EIF3H: variants seen among roughly 807,000 people sequenced by gnomAD.
EIF3H encodes the protein eIF-3-gamma.
In EIF3H, 26 loss-of-function variants were observed where a neutral mutation model predicts 44.2. The ratio of observed to expected loss-of-function variants is 0.59; its 90% confidence interval spans 0.43 to 0.82. EIF3H has a LOEUF of 0.82. Among genes scored for constraint, EIF3H ranks in the 40% least tolerant of loss-of-function variants. The pLI is 0.00. For missense variants in EIF3H, 359 were observed against 432.8 expected, an observed-to-expected ratio of 0.83 and a Z score of 1.51; for synonymous variants, 166 against 151.9, an observed-to-expected ratio of 1.09 and a Z score of -0.68.
At chr8:116,752,827 AGGAAAG>A (rs1815381550) in intron 1 of EIF3H, among the ~76,000 whole-genome samples, 1 of 141,714 alleles carries the variant, frequency 7.1e-6, no homozygotes, top group South Asian at 2.3e-4. Flanking sequence ...GAAGGAAGGA[AGGAAAG>A]AGAGAGAGAA....
intron 2 of EIF3H, among the ~76,000 whole-genome samples, chr8:116,706,295 T>C (rs960675640): frequency 1.3e-5 from 2 of 152,174 alleles, no homozygotes; most frequent in Non-Finnish European, 2.9e-5. Flanking sequence ...TCAGACAGAT[T>C]AACCTTCTGA....
At chr8:116,675,132 A>G (rs566493954) in intron 2 of EIF3H, among the ~76,000 whole-genome samples, 3 of 151,850 alleles carry the variant, frequency 2.0e-5, no homozygotes, top group South Asian at 2.1e-4. Flanking sequence ...TTTAAATCAC[A>G]TATGTCCTGA....
chr8:116,723,909 T>C lies in EIF3H; in HGVS notation c.289+2107A>G, dbSNP rs531604518. On this transcript the variant is annotated intron_variant, in intron 2 of 7. Coordinates refer to ENST00000521861, the MANE Select transcript of EIF3H (RefSeq NM_003756.3). ...TTGTCAATACTACTCAAAGACAGAT[T>C]CAATGCAATACCTATCAAAATCACA... 4.6e-4 allele frequency among the ~76,000 whole-genome samples: 70 copies of C among 152,294 alleles called. 1 individual carries two copies. The South Asian group carries it at 0.014, about 30-fold the overall frequency.
chr8:116,661,205 T>TC, intron 2 of EIF3H, among the ~76,000 whole-genome samples: 1 of 152,204 alleles, frequency 6.6e-6, no homozygotes, highest in Non-Finnish European at 1.5e-5. Context: ...GAGTGAAAAG[T>TC]CCCAGTATTA....
At chr8:116,716,662 T>C (rs940353372) in intron 2 of EIF3H, among the ~76,000 whole-genome samples, 2 of 152,064 alleles carry the variant, frequency 1.3e-5, no homozygotes, top group South Asian at 4.1e-4. Context: ...ACAGTAAATA[T>C]TTCAGGCTTA....
intron 1 of EIF3H, among the ~76,000 whole-genome samples, chr8:116,750,983 C>G (rs373329243): frequency 6.6e-6 from 1 of 151,234 alleles, no homozygotes; most frequent in African/African-American, 2.4e-5. Flanking sequence ...GAGGCCGAGG[C>G]GGGCGGATCA....
chr8:116,711,982 T>C lies in EIF3H; in HGVS notation c.289+14034A>G, dbSNP rs1169442241. On this transcript the variant is annotated intron_variant, in intron 2 of 7. Coordinates refer to ENST00000521861, the MANE Select transcript of EIF3H (RefSeq NM_003756.3). ...ACACAGTTTCCACTCAAATATTGGT[T>C]TGATGAATAAACAACAAAAGAAGAA... Among the ~76,000 whole-genome samples the C allele has an allele frequency of 1.0e-4, 15 of 143,488 alleles. No individual in the cohort carries two copies. The Admixed American group carries it at 1.1e-3, about 10-fold the overall frequency. The allele number at this position is 143,488 out of a possible 152,430, so 94.1% of individuals were successfully genotyped here. A position where few individuals can be genotyped will look rare whatever the true frequency, so the allele number is the denominator to read the frequency against.
intron 1 of EIF3H, among the ~76,000 whole-genome samples, chr8:116,738,475 C>T (rs983770005): frequency 5.9e-5 from 9 of 152,164 alleles, no homozygotes; most frequent in Non-Finnish European, 1.0e-4. Flanking sequence ...ATACAAATTG[C>T]CAGAAAATAT....
chr8:116,724,980 C>G (rs932399675), intron 2 of EIF3H, among the ~76,000 whole-genome samples: 5 of 152,090 alleles, frequency 3.3e-5, no homozygotes, highest in Non-Finnish European at 7.4e-5. Context: ...ATTTGCACAC[C>G]CATGTTCACT....
chr8:116,654,224 A>G (rs7820778), intron 5 of EIF3H, among the ~76,000 whole-genome samples: 129,360 of 151,972 alleles, frequency 0.85, 55,239 homozygotes, highest in Non-Finnish European at 0.89. Flanking sequence ...CTTTTTCCTC[A>G]TTTACGTAAA....
chr8:116,762,387 T>C (rs1815526465), intron 1 of EIF3H, among the ~76,000 whole-genome samples: 2 of 152,250 alleles, frequency 1.3e-5, no homozygotes, highest in African/African-American at 4.8e-5. Flanking sequence ...GCTCCTCTTA[T>C]CTGCTTTGCC....
Position 116,644,958 on chromosome 8 carries a change from G to A in EIF3H, c.*48C>T, listed in dbSNP as rs767331781. 4.2e-6 allele frequency: 6 copies of A among 1,434,120 alleles called. No homozygotes were observed. Among genetic ancestry groups the A allele is most frequent in the South Asian group, 1.2e-5 (1 of 85,630 alleles). The allele number at this position is 1,434,120 out of a possible 1,614,324, so 88.8% of individuals were successfully genotyped here. On this transcript the variant is annotated 3_prime_UTR_variant, in exon 8 of 8. Transcript: ENST00000521861. ...TATTTCTTCCAAGAGTTGCCCTGGT[G>A]TGACTTCAAGAGTTCATGTTAACTT...
At chr8:116,680,799 C>G (rs560718408) in intron 2 of EIF3H, among the ~76,000 whole-genome samples, 1 of 141,452 alleles carries the variant, frequency 7.1e-6, no homozygotes. Flanking sequence ...TCCCCCTCTG[C>G]GAGAAACACC....
At chr8:116,678,322 T>C (rs1303715192) in intron 2 of EIF3H, among the ~76,000 whole-genome samples, 2 of 151,710 alleles carry the variant, frequency 1.3e-5, no homozygotes, top group Admixed American at 6.6e-5. Context: ...TGGAGTGCAG[T>C]GGCGTGATCT....
intron 2 of EIF3H, among the ~76,000 whole-genome samples, chr8:116,666,753 C>CGAAAAA (rs71567913): frequency 1.4e-5 from 1 of 71,432 alleles, no homozygotes; most frequent in Non-Finnish European, 2.3e-5. Flanking sequence ...TAGTGTTAGG[C>CGAAAAA]AAAAAAAAAA....
intron 1 of EIF3H, among the ~76,000 whole-genome samples, chr8:116,730,620 A>G (rs954642329): frequency 2.0e-5 from 3 of 152,206 alleles, no homozygotes; most frequent in African/African-American, 7.2e-5. Flanking sequence ...CCATGTATAT[A>G]TATTTCAAAG....
chr8:116,654,950 C>G (rs952172236), intron 5 of EIF3H, among the ~76,000 whole-genome samples: 2 of 151,336 alleles, frequency 1.3e-5, no homozygotes, highest in Non-Finnish European at 1.5e-5. Context: ...AACTAGAAAT[C>G]TGATAAATAA....
At chr8:116,680,689 C>T (rs1405904141) in intron 2 of EIF3H, among the ~76,000 whole-genome samples, 1 of 134,292 alleles carries the variant, frequency 7.4e-6, no homozygotes, top group African/African-American at 2.8e-5. Context: ...ACAAACACTG[C>T]GGAAGGCCGC....
At chr8:116,689,376 T>A (rs1814133911) in intron 2 of EIF3H, among the ~76,000 whole-genome samples, 1 of 152,172 alleles carries the variant, frequency 6.6e-6, no homozygotes, top group Non-Finnish European at 1.5e-5. Flanking sequence ...GCTACAGAAT[T>A]GTACACTTTA....
Sources: gnomAD v4.1 joint callset for allele counts (sites outside exome capture counted in the v4.1 genomes callset) on GRCh38, gnomAD v4.1.1 for gene constraint, MANE v1.5 for transcripts, NCBI Gene and HGNC (gene_info 2026-07-23, HGNC 2026-07-21) for gene names.